Variants in MAP4K3 observed in about 807,000 individuals in gnomAD.
MAP4K3 encodes the protein mitogen-activated protein kinase kinase kinase kinase 3, also known as MAPK/ERK kinase kinase kinase 3.
A neutral mutation model predicts 143.5 loss-of-function variants in MAP4K3; 94 were observed. That is an observed-to-expected ratio of 0.65 (90% CI 0.55 to 0.78). The LOEUF is 0.78. MAP4K3 is among the 30% of genes least tolerant of loss of function. The pLI, the probability that MAP4K3 is intolerant of heterozygous loss-of-function variation, is 0.00. For missense variants in MAP4K3, 1,077 were observed against 1,068.1 expected, an observed-to-expected ratio of 1.01 and a Z score of -0.12; for synonymous variants, 416 against 347.2, an observed-to-expected ratio of 1.20 and a Z score of -2.20.
chr2:39,352,835 T>A (rs1665497874), intron 3 of MAP4K3, among the ~76,000 whole-genome samples: 2 of 152,216 alleles, frequency 1.3e-5, no homozygotes, highest in Non-Finnish European at 2.9e-5. Context: ...GGGAAATTTA[T>A]CAATGGTCAA....
intron 13 of MAP4K3, among the ~76,000 whole-genome samples, chr2:39,313,506 C>G (rs1298306883): frequency 6.6e-6 from 1 of 150,736 alleles, no homozygotes; most frequent in African/African-American, 2.5e-5. Flanking sequence ...TTTCTTCTTT[C>G]TCTCTCTCTT....
intron 1 of MAP4K3, among the ~76,000 whole-genome samples, chr2:39,407,943 A>G (rs373272786): frequency 1.3e-5 from 2 of 152,010 alleles, no homozygotes; most frequent in Admixed American, 1.3e-4. Context: ...AGATATTAGT[A>G]AAGAAGAGAA....
intron 24 of MAP4K3, 145 bp from the exon 25 acceptor site, chr2:39,272,687 AT>A (rs1446192411): frequency 3.2e-6 from 2 of 634,520 alleles, no homozygotes; most frequent in African/African-American, 3.7e-5. Context: ...TTTATCAAGG[AT>A]TCAAACCAAG....
intron 14 of MAP4K3, among the ~76,000 whole-genome samples, chr2:39,308,437 G>A (rs1303175975): frequency 6.6e-6 from 1 of 151,994 alleles, no homozygotes; most frequent in East Asian, 1.9e-4. Flanking sequence ...GTAACTATAA[G>A]GTAAAGGCTA....
chr2:39,425,424 T>C (rs762352206), intron 1 of MAP4K3, among the ~76,000 whole-genome samples: 7 of 152,170 alleles, frequency 4.6e-5, no homozygotes, highest in Admixed American at 4.6e-4. Context: ...AAAATCCACA[T>C]GTTGAAGACC....
intron 31 of MAP4K3, 75 bp downstream of exon 31, chr2:39,258,272 CT>C: frequency 1.0e-6 from 1 of 985,526 alleles, no homozygotes; most frequent in Non-Finnish European, 1.5e-6. Flanking sequence ...TAATATCAAT[CT>C]TTAATTTTGG....
chr2:39,423,795 G>T (rs1180464865), intron 1 of MAP4K3, among the ~76,000 whole-genome samples: 1 of 152,216 alleles, frequency 6.6e-6, no homozygotes, highest in Non-Finnish European at 1.5e-5. Context: ...ATAGAAAATG[G>T]AATTTTTAAG....
rs200806636 is a variant in MAP4K3, at chr2:39,259,668, GATGC to G, written c.2308+934_2308+937del. 3.7e-4 allele frequency among the ~76,000 whole-genome samples: 57 copies of G among 152,030 alleles called. 2 individuals are homozygous for G. In the East Asian group the frequency reaches 0.011, roughly 29 times the overall value. On this transcript the variant is annotated intron_variant, in intron 29 of 33. Transcript: ENST00000263881. ...TTAATGAACTTAGTCAAAACAATTTGATGCATGTAAAATTCTCCAAAAAGGAAAT... is the reference window on the plus strand; with the variant it reads ...TTAATGAACTTAGTCAAAACAATTTGATGTAAAATTCTCCAAAAAGGAAAT...
intron 21 of MAP4K3, among the ~76,000 whole-genome samples, chr2:39,285,176 C>T (rs954115431): frequency 2.6e-5 from 4 of 152,110 alleles, no homozygotes; most frequent in African/African-American, 7.2e-5. Flanking sequence ...ACAGATGTGA[C>T]GGCTGTAAAT....
intron 32 of MAP4K3, among the ~76,000 whole-genome samples, chr2:39,253,430 C>T (rs1409548120): frequency 6.6e-6 from 1 of 152,192 alleles, no homozygotes; most frequent in Non-Finnish European, 1.5e-5. Context: ...ACATGCCTGG[C>T]CAGCAGCTAC....
intron 1 of MAP4K3, among the ~76,000 whole-genome samples, chr2:39,405,623 T>C (rs1302412860): frequency 6.6e-6 from 1 of 152,000 alleles, no homozygotes; most frequent in Non-Finnish European, 1.5e-5. Flanking sequence ...ATCCCAACAC[T>C]TTGAGAGGCT....
At chr2:39,307,850 A>T (rs1682770263) in intron 15 of MAP4K3, 93 bp downstream of exon 15, 11 of 969,230 alleles carry the variant, frequency 1.1e-5, no homozygotes, top group Non-Finnish European at 1.6e-5. Flanking sequence ...AACTTATAAA[A>T]CAATGCTTTA....
At chr2:39,333,126 A>T (rs775577748) in intron 7 of MAP4K3, among the ~76,000 whole-genome samples, 25 of 152,138 alleles carry the variant, frequency 1.6e-4, no homozygotes, top group Non-Finnish European at 5.9e-5. Flanking sequence ...TTACATTCTT[A>T]AGTAAGTAAT....
Position 39,356,231 on chromosome 2 carries a change from G to A in MAP4K3, c.245+18C>T. ...ATGAAATCATTATTGCTTTTCAAAA[G>A]GGAAACAAACAGTATACCTGAGATA... On this transcript the variant is annotated intron_variant, in intron 3 of 33. Coordinates refer to ENST00000263881, the MANE Select transcript of MAP4K3 (RefSeq NM_003618.4). The A allele has an allele frequency of 6.8e-7, 1 of 1,461,892 alleles. No homozygotes were observed. Among genetic ancestry groups the A allele is most frequent in the Non-Finnish European group, 9.4e-7 (1 of 1,065,900 alleles). The allele number at this position is 1,461,892 out of a possible 1,614,324, so 90.6% of individuals were successfully genotyped here.
In MAP4K3 at chr2:39,332,001, A is replaced by G; in HGVS notation, c.458-12T>C. On this transcript the variant is annotated splice_polypyrimidine_tract_variant and intron_variant, in intron 7 of 33. Coordinates refer to ENST00000263881, the MANE Select transcript of MAP4K3 (RefSeq NM_003618.4). ...TACTCCAAAATCAGCTATTAAAAAA[A>G]ATGAGAAACATTTAGGAAACTGAGA... is the stretch of plus-strand genomic sequence containing the variant. 1 of 1,469,988 alleles carries G rather than the reference A, an allele frequency of 6.8e-7. No individual in the cohort carries two copies. Among genetic ancestry groups the G allele is most frequent in the Non-Finnish European group, 9.3e-7 (1 of 1,080,380 alleles). 91.1% of individuals were successfully genotyped at this position (1,469,988 alleles called of 1,614,324 possible). A position where few individuals can be genotyped will look rare whatever the true frequency, so the allele number is the denominator to read the frequency against.
chr2:39,255,403 A>C (rs559728424), intron 31 of MAP4K3, among the ~76,000 whole-genome samples: 14 of 152,246 alleles, frequency 9.2e-5, no homozygotes, highest in African/African-American at 3.4e-4. Context: ...AGGGAGGAAT[A>C]AATCTTATTT....
rs1480771957 is a variant in MAP4K3 at position 39,250,554 on chromosome 2, TC to T, written c.*63del. On this transcript the variant is annotated 3_prime_UTR_variant, in exon 34 of 34. Coordinates refer to ENST00000263881, the MANE Select transcript of MAP4K3 (RefSeq NM_003618.4). ...TGCAGCTTTTGTACAGCTTCAAGCA[TC>T]CATTAATGTTGCAGTGGTAGTGTTC... 2.8e-6 allele frequency: 4 copies of T among 1,409,448 alleles called. No homozygotes were observed. In the African/African-American group the frequency reaches 5.7e-5, roughly 20 times the overall value. 87.3% of individuals were successfully genotyped at this position (1,409,448 alleles called of 1,614,324 possible).
At chr2:39,353,937 T>C (rs1033336366) in intron 3 of MAP4K3, among the ~76,000 whole-genome samples, 2 of 152,174 alleles carry the variant, frequency 1.3e-5, no homozygotes, top group African/African-American at 2.4e-5. Flanking sequence ...ACTGGTTAAA[T>C]AATTGATTAA....
chr2:39,337,463 T>C (rs1664999942), intron 5 of MAP4K3, 63 bp downstream of exon 5: 2 of 1,208,996 alleles, frequency 1.7e-6, no homozygotes, highest in African/African-American at 1.5e-5. Context: ...GAACAGGTAA[T>C]GCACAGTAAG....
Sources: gnomAD v4.1 joint callset for allele counts (sites outside exome capture counted in the v4.1 genomes callset) on GRCh38, gnomAD v4.1.1 for gene constraint, MANE v1.5 for transcripts, NCBI Gene and HGNC (gene_info 2026-07-23, HGNC 2026-07-21) for gene names.